The following PROM1 variants were observed in gnomAD, a reference collection of about 807,000 sequenced individuals.
The protein encoded by PROM1 is prominin 1.
Under a neutral mutation model 116.9 loss-of-function variants are expected in PROM1, and 105 were observed. That is an observed-to-expected ratio of 0.90 (90% confidence interval 0.77 to 1.06). PROM1 has a LOEUF of 1.06. PROM1 is among the 50% of genes least tolerant of loss of function. PROM1 has a pLI of 0.00. For synonymous variants in PROM1, 393 were observed against 387.0 expected (o/e 1.02, Z -0.18); for missense variants, 1,122 against 1,045.2 (o/e 1.07, Z -1.01).
chr4:16,019,871 T>TACACACACAC (rs3040447), intron 8 of PROM1, among the ~76,000 whole-genome samples: 6,926 of 148,096 alleles, frequency 0.047, 213 homozygotes, highest in Non-Finnish European at 0.062. Flanking sequence ...GTGTTAAAAA[T>TACACACACAC]ACACACACAC....
At chr4:16,001,136 G>A (rs1368522064) in intron 13 of PROM1, among the ~76,000 whole-genome samples, 2 of 152,168 alleles carry the variant, frequency 1.3e-5, no homozygotes, top group Non-Finnish European at 2.9e-5. Flanking sequence ...TTGGTGGAGA[G>A]TTGGTGGATG....
chr4:15,980,192 T>C (rs1717394921), intron 24 of PROM1: 1 of 609,056 alleles, frequency 1.6e-6, no homozygotes, highest in Non-Finnish European at 2.9e-6. Context: ...AAAAGGCTGG[T>C]TAGGGAAGCT....
rs1251147060 is a variant in PROM1 at position 16,006,678 on chromosome 4, G to C, written c.1314C>G (p.Gly438=). The C allele has an allele frequency of 1.2e-6, 2 of 1,612,794 alleles. No homozygotes were observed. The highest frequency in any genetic ancestry group is 1.7e-6 in the Non-Finnish European group (2 of 1,179,550). Residue 438 remains glycine, a synonymous_variant, in exon 13 of 28, where the codon GGC becomes GGG. Coordinates refer to ENST00000447510, the MANE Select transcript of PROM1 (RefSeq NM_006017.3). ...GGGTCAGCAGAGAGCAGATGACCAGGCCACCCAGCCACCTGGAGAGGCAAG... is the reference window on the plus strand; with the variant it reads ...GGGTCAGCAGAGAGCAGATGACCAGCCCACCCAGCCACCTGGAGAGGCAAG... The part of the protein sequence containing the change: ...EEYDSYWWLG[G]LVICSLLTLI...
chr4:15,979,301 A>T, intron 26 of PROM1, 94 bp downstream of exon 26: 1 of 1,580,100 alleles, frequency 6.3e-7, no homozygotes, highest in Non-Finnish European at 8.6e-7. Flanking sequence ...AGAGAAGTGA[A>T]GGCATCAGCA....
chr4:16,035,815 A>C (rs376451732), intron 3 of PROM1, 54 bp from the exon 4 acceptor site: 1,506 of 1,537,612 alleles, frequency 9.8e-4, no homozygotes, highest in Non-Finnish European at 1.2e-3. Context: ...TGCATCAAGA[A>C]AACAGACAGA....
chr4:16,021,231 C>T (rs938042134), intron 8 of PROM1, among the ~76,000 whole-genome samples: 5 of 151,576 alleles, frequency 3.3e-5, no homozygotes, highest in East Asian at 1.9e-4. Flanking sequence ...TAATAACACA[C>T]GAGGCACTGA....
In PROM1 at chr4:15,987,674, T is replaced by C. The variant is rs748200047; in HGVS notation, c.2119A>G (p.Asn707Asp). The change falls in exon 20 of 28, where the codon AAT (asparagine) becomes GAT (aspartate). Residue 707 changes from asparagine to aspartate, a missense_variant. By Grantham distance (23) the Asn-to-Asp change is conservative. Transcript: ENST00000447510. ...AAGTAAACCCTTACCAACAATCCAT[T>C]CCCTGTGCGTTGAAGTATCTTGACG... ...QSVKILQRTG[N>D]GLLERVTRIL... 1 of 1,611,302 alleles carries C rather than the reference T, an allele frequency of 6.2e-7. No homozygotes were observed. Among genetic ancestry groups the C allele is most frequent in the Admixed American group, 1.7e-5 (1 of 59,662 alleles).
At chr4:15,999,955 A>G (rs1723344450) in intron 14 of PROM1, among the ~76,000 whole-genome samples, 3 of 152,158 alleles carry the variant, frequency 2.0e-5, no homozygotes. Context: ...AGTCGGTGGG[A>G]GTTGGACTGA....
intron 24 of PROM1, 127 bp from the exon 25 acceptor site, chr4:15,980,031 T>G: frequency 3.1e-6 from 2 of 649,588 alleles, no homozygotes; most frequent in African/African-American, 1.9e-5. Context: ...AGACCCATGT[T>G]GAAAGATAAG....
At chr4:16,053,743 A>T (rs1391697385) in intron 2 of PROM1, among the ~76,000 whole-genome samples, 1 of 152,248 alleles carries the variant, frequency 6.6e-6, no homozygotes, top group Non-Finnish European at 1.5e-5. Flanking sequence ...GGCCACTGGC[A>T]TATGGGGATT....
At chr4:16,049,850 A>T (rs1413105181) in intron 2 of PROM1, among the ~76,000 whole-genome samples, 1 of 152,112 alleles carries the variant, frequency 6.6e-6, no homozygotes, top group Non-Finnish European at 1.5e-5. Flanking sequence ...GCATTGTCTC[A>T]TTCCTTCTTA....
chr4:16,026,156 C>A (rs550348081), intron 5 of PROM1, among the ~76,000 whole-genome samples: 5 of 152,222 alleles, frequency 3.3e-5, no homozygotes, highest in African/African-American at 1.2e-4. Context: ...TACAGGAAAG[C>A]CTTCTCTATG....
At chr4:16,040,569 G>T (rs1045590914) in intron 2 of PROM1, among the ~76,000 whole-genome samples, 1 of 152,178 alleles carries the variant, frequency 6.6e-6, no homozygotes, top group Non-Finnish European at 1.5e-5. Context: ...GTTGCAATTT[G>T]GGATCTTGAT....
chr4:15,973,836 G>C (rs1314978869), intron 26 of PROM1, among the ~76,000 whole-genome samples: 1 of 152,096 alleles, frequency 6.6e-6, no homozygotes. Context: ...AGAGACCTGG[G>C]CATGGCCTAC....
chr4:15,989,962 G>A, intron 18 of PROM1, 138 bp from the exon 19 acceptor site: 2 of 678,944 alleles, frequency 2.9e-6, no homozygotes, highest in Non-Finnish European at 5.1e-6. Flanking sequence ...GGGCATGGGG[G>A]CTGGTGTGAG....
intron 26 of PROM1, chr4:15,971,858 A>T (rs1008666836): frequency 6.6e-6 from 1 of 152,246 alleles, no homozygotes; most frequent in Non-Finnish European, 1.5e-5. Flanking sequence ...TTCACTTTAG[A>T]AAGTGCACAT....
intron 18 of PROM1, 108 bp downstream of exon 18, chr4:15,991,114 A>AAGGGGG: frequency 1.2e-6 from 1 of 828,034 alleles, no homozygotes. Flanking sequence ...TTTATGAACA[A>AAGGGGG]GGGATTACTC....
chr4:15,991,934 CAAAAAAAAAA>C (rs56221717), intron 17 of PROM1, among the ~76,000 whole-genome samples: 934 of 55,348 alleles, frequency 0.017, 19 homozygotes, highest in African/African-American at 0.068. Flanking sequence ...GACTCCGTCT[CAAAAAAAAAA>C]AAAAAAAAAA....
At chr4:15,979,936 A>G (rs762782278) in intron 24 of PROM1, 32 bp from the exon 25 acceptor site, 9 of 1,271,726 alleles carry the variant, frequency 7.1e-6, no homozygotes, top group Non-Finnish European at 9.8e-6. Context: ...GATAAAATTA[A>G]TTTTTTTAAT....
Sources: gnomAD v4.1 joint callset for allele counts (sites outside exome capture counted in the v4.1 genomes callset) on GRCh38, gnomAD v4.1.1 for gene constraint, MANE v1.5 for transcripts, NCBI Gene and HGNC (gene_info 2026-07-23, HGNC 2026-07-21) for gene names.